The following CCDC171 variants were observed in gnomAD, a reference collection of about 807,000 sequenced individuals.
The protein encoded by CCDC171 is coiled-coil domain-containing protein 171.
A neutral mutation model predicts 168.2 loss-of-function variants in CCDC171; 177 were observed. The ratio of observed to expected loss-of-function variants is 1.05; its 90% CI spans 0.93 to 1.19. CCDC171 has a LOEUF of 1.19. CCDC171 is among the 50% of genes most tolerant of loss of function. The pLI is 0.00. For missense variants in CCDC171, 1,991 were observed against 1,539.0 expected (o/e 1.29, Z -4.91); for synonymous variants, 687 against 540.8 (o/e 1.27, Z -3.75).
At chr9:15,606,859 A>G (rs2131758838) in intron 6 of CCDC171, among the ~76,000 whole-genome samples, 1 of 152,318 alleles carries the variant, frequency 6.6e-6, no homozygotes, top group South Asian at 2.1e-4. Flanking sequence ...TGGAAAAAAG[A>G]AGAACTTCCC....
chr9:15,930,320 A>G (rs1213554711), intron 25 of CCDC171, among the ~76,000 whole-genome samples: 3 of 151,614 alleles, frequency 2.0e-5, no homozygotes, highest in East Asian at 1.9e-4. Context: ...GAGTAGAATA[A>G]TTTACATATT....
chr9:15,615,241 A>G (rs1048396903), intron 6 of CCDC171, among the ~76,000 whole-genome samples: 3 of 152,176 alleles, frequency 2.0e-5, no homozygotes, highest in Admixed American at 1.3e-4. Context: ...TTCTAACTCA[A>G]TGTAGTCAGT....
intron 23 of CCDC171, among the ~76,000 whole-genome samples, chr9:15,871,576 CA>C (rs749317808): frequency 6.2e-4 from 94 of 151,902 alleles, no homozygotes; most frequent in Non-Finnish European, 1.2e-3. Flanking sequence ...ATTTTGTATC[CA>C]ATAAGCTGTA....
intron 6 of CCDC171, among the ~76,000 whole-genome samples, chr9:15,611,629 C>A (rs2043703871): frequency 6.6e-6 from 1 of 152,064 alleles, no homozygotes; most frequent in African/African-American, 2.4e-5. Context: ...TTACCCCAAC[C>A]CCCAGTTGTG....
In CCDC171 at chr9:15,602,647, C is replaced by CTTTTTTTTTTTT. The variant is rs1161286304; in HGVS notation, c.675+8490_675+8501dup. Among the ~76,000 whole-genome samples the CTTTTTTTTTTTT allele has an allele frequency of 3.9e-4, 12 of 30,464 alleles. 1 individual carries two copies. The highest frequency in any genetic ancestry group is 1.5e-3 in the South Asian group (1 of 680). The allele number at this position is 30,464 out of a possible 152,430, so 20.0% of individuals were successfully genotyped here. ...TTTCTCATTTCTTTTTTTTTTTTTT[C>CTTTTTTTTTTTT]TTTTTTTTTTTTTTTTTTTTTTTTT... On this transcript the variant is annotated intron_variant, in intron 6 of 25. Coordinates refer to ENST00000380701, the MANE Select transcript of CCDC171 (RefSeq NM_173550.4).
At chr9:15,607,492 C>T (rs1417490353) in intron 6 of CCDC171, among the ~76,000 whole-genome samples, 4 of 151,812 alleles carry the variant, frequency 2.6e-5, no homozygotes, top group Non-Finnish European at 4.4e-5. Context: ...GACAGGGTCT[C>T]ACTCTGTCAC....
intron 23 of CCDC171, among the ~76,000 whole-genome samples, chr9:15,872,541 T>C (rs945965959): frequency 6.6e-6 from 1 of 152,026 alleles, no homozygotes; most frequent in African/African-American, 2.4e-5. Context: ...TTTTGTACTT[T>C]GACATCCAGG....
At chr9:15,814,650 A>G (rs889190214) in intron 21 of CCDC171, among the ~76,000 whole-genome samples, 5 of 151,976 alleles carry the variant, frequency 3.3e-5, no homozygotes, top group African/African-American at 1.2e-4. Flanking sequence ...ATAACTTACA[A>G]TTGCGTATGA....
intron 9 of CCDC171, among the ~76,000 whole-genome samples, chr9:15,677,988 C>A (rs1300455052): frequency 7.2e-6 from 1 of 138,960 alleles, no homozygotes; most frequent in African/African-American, 2.7e-5. Flanking sequence ...TAGCTCACTG[C>A]AACCTTGAAC....
chr9:15,617,959 C>T (rs985577429), intron 6 of CCDC171, among the ~76,000 whole-genome samples: 2 of 152,178 alleles, frequency 1.3e-5, no homozygotes, highest in Non-Finnish European at 2.9e-5. Flanking sequence ...ATTGGGAGGT[C>T]TCTCCCAGTC....
chr9:15,998,068 C>A (rs1248762540), intron 3 of CCDC171, among the ~76,000 whole-genome samples: 1 of 151,920 alleles, frequency 6.6e-6, no homozygotes, highest in African/African-American at 2.4e-5. Context: ...CTTTGAAGAC[C>A]AATACCTCCA....
intron 25 of CCDC171, among the ~76,000 whole-genome samples, chr9:15,921,287 C>G (rs1237799131): frequency 6.6e-6 from 1 of 151,658 alleles, no homozygotes; most frequent in Non-Finnish European, 1.5e-5. Context: ...AGTCTTGGCT[C>G]AAGTGCCAGC....
At chr9:15,735,115 A>C (rs2134425496) in intron 16 of CCDC171, among the ~76,000 whole-genome samples, 1 of 152,368 alleles carries the variant, frequency 6.6e-6, no homozygotes, top group Admixed American at 6.5e-5. Flanking sequence ...TTTAATGTCG[A>C]AGCTTTAAAA....
chr9:15,914,703 AACTC>A (rs954027464), intron 24 of CCDC171, among the ~76,000 whole-genome samples: 2 of 152,002 alleles, frequency 1.3e-5, no homozygotes, highest in African/African-American at 2.4e-5. Context: ...ATGAAAAAAA[AACTC>A]CTGCAGATAG....
chr9:15,571,319 C>G (rs551710070), intron 2 of CCDC171, among the ~76,000 whole-genome samples: 1 of 151,942 alleles, frequency 6.6e-6, no homozygotes, highest in East Asian at 1.9e-4. Context: ...GTGGGAGAAC[C>G]CAGTCTCTTC....
rs564700010 is a variant in CCDC171 at position 16,011,267 on chromosome 9, G to C, written n.369-9322G>C. Among the ~76,000 whole-genome samples the C allele has an allele frequency of 4.6e-5, 7 of 152,266 alleles. No individual in the cohort carries two copies. In the South Asian group the frequency reaches 1.5e-3, roughly 32 times the overall value. On this transcript the variant is annotated intron_variant and non_coding_transcript_variant, in intron 3 of 9. Coordinates refer to the CCDC171 transcript ENST00000486641. ...TGGGCCCCTGGATGGATTACCCTTGGACTTCCTTTGTTCCTGAGAGAATCA... is the reference window on the plus strand; with the variant it reads ...TGGGCCCCTGGATGGATTACCCTTGCACTTCCTTTGTTCCTGAGAGAATCA...
At chr9:15,785,221 C>G (rs1437844866) in intron 21 of CCDC171, among the ~76,000 whole-genome samples, 1 of 152,066 alleles carries the variant, frequency 6.6e-6, no homozygotes, top group Non-Finnish European at 1.5e-5. Context: ...AAAGTTGTCA[C>G]TGAGAAAATT....
chr9:15,614,013 C>G (rs1353696375), intron 6 of CCDC171, among the ~76,000 whole-genome samples: 3 of 152,192 alleles, frequency 2.0e-5, no homozygotes, highest in African/African-American at 7.2e-5. Context: ...ACAAATAAGT[C>G]TTCTAGCCTT....
At chr9:15,950,978 T>C (rs1361683255) in intron 25 of CCDC171, among the ~76,000 whole-genome samples, 2 of 151,086 alleles carry the variant, frequency 1.3e-5, no homozygotes, top group Admixed American at 1.3e-4. Context: ...GCAATTCTAG[T>C]CTCTGATAAA....
Sources: allele counts gnomAD v4.1 joint callset (sites outside exome capture counted in the v4.1 genomes callset), GRCh38; gene constraint gnomAD v4.1.1; transcripts MANE v1.5; gene names NCBI Gene and HGNC (gene_info 2026-07-23, HGNC 2026-07-21).